AKAP17A: variants seen among roughly 807,000 people sequenced by gnomAD.
AKAP17A encodes A-kinase anchor protein 17A.
A neutral mutation model predicts 52.2 loss-of-function variants in AKAP17A; 15 were observed. That is an observed-to-expected ratio of 0.29 (90% CI 0.19 to 0.44). AKAP17A has a LOEUF of 0.44. Ranked by LOEUF, AKAP17A falls within the 20% of genes least tolerant of loss-of-function variation. The pLI, the probability that AKAP17A is intolerant of heterozygous loss-of-function variation, is 1.00. For synonymous variants in AKAP17A, 514 were observed against 424.7 expected (o/e 1.21, Z -2.58); for missense variants, 1,060 against 1,007.0 (o/e 1.05, Z -0.71).
chrX:1,600,874 G>T lies in AKAP17A; in HGVS notation c.1368G>T (p.Leu456=). The stretch of plus-strand genomic sequence containing the variant: ...ACGACAGCCACACACACGACGAGCT[G>T]GGCGTGGCACACGCCGACCTGCTGC... The part of the protein sequence containing the change: ...KPDDSHTHDE[L]GVAHADLLQP... Residue 456 remains leucine (L), a synonymous_variant, in exon 5 of 5, where the codon CTG becomes CTT. Transcript: ENST00000313871. The T allele has an allele frequency of 6.3e-7, 1 of 1,587,036 alleles. No individual in the cohort carries two copies.
At chrX:1,596,272 G>T (rs1932974627) in intron 3 of AKAP17A, among the ~76,000 whole-genome samples, 1 of 150,570 alleles carries the variant, frequency 6.6e-6, no homozygotes, top group South Asian at 2.1e-4. Flanking sequence ...ACAAAAACCC[G>T]GTTTCACATA....
At chrX:1,596,478 T>A (rs778212345) in intron 3 of AKAP17A, among the ~76,000 whole-genome samples, 8,192 of 32,440 alleles carry the variant, frequency 0.25, 865 homozygotes, top group African/African-American at 0.36. Flanking sequence ...GTGAGGTGGA[T>A]TCCTCCTCCT....
rs752474646 is a variant in AKAP17A at position 1,599,337 on chromosome X, CAGG to C, written c.1060_1062del (p.Glu354del). Reference sequence around the variant, plus strand: ...GCAGGCGGAGGAGCAGAAGCAGCTGCAGGAGAAGATCAAGCTGGAGGAGCGCAA... The same window carrying C: ...GCAGGCGGAGGAGCAGAAGCAGCTGCAGAAGATCAAGCTGGAGGAGCGCAA... On this transcript the variant is annotated inframe_deletion, in exon 4 of 5. Transcript: ENST00000313871. The C allele has an allele frequency of 1.2e-6, 2 of 1,602,806 alleles. No individual in the cohort carries two copies. The highest frequency in any genetic ancestry group is 1.7e-6 in the Non-Finnish European group (2 of 1,175,506).
rs1569356432 is a variant in AKAP17A, at chrX:1,601,465, C to G, written c.1959C>G (p.Asp653Glu). The G allele has an allele frequency of 1.3e-6, 2 of 1,573,740 alleles. No homozygotes were observed. Among genetic ancestry groups the G allele is most frequent in the South Asian group, 2.2e-5 (2 of 89,116 alleles). ...HTRSRRSHSKDRHRRERSRER... is the reference protein window; with the variant it reads ...HTRSRRSHSKERHRRERSRER... ...GGTCCCGGAGGTCCCACAGCAAAGA[C>G]AGGCACCGGAGGGAGCGGAGCCGGG... is the stretch of plus-strand genomic sequence containing the variant. The change falls in exon 5 of 5, where the codon GAC becomes GAG. Residue 653 changes from aspartate (D) to glutamate (E), a missense_variant. By Grantham distance (45) the Asp-to-Glu change is conservative (BLOSUM62 2). Coordinates refer to ENST00000313871, the MANE Select transcript of AKAP17A (RefSeq NM_005088.3).
intron 1 of AKAP17A, among the ~76,000 whole-genome samples, chrX:1,592,051 C>T (rs1193341543): frequency 6.6e-6 from 1 of 150,932 alleles, no homozygotes; most frequent in Non-Finnish European, 1.5e-5. Context: ...GGAGCTGAGG[C>T]CTGGAGCGGT....
chrX:1,591,876 T>G (rs1932843045), intron 1 of AKAP17A, 107 bp downstream of exon 1: 1 of 95,638 alleles, frequency 1.0e-5, no homozygotes, highest in African/African-American at 4.0e-5. Flanking sequence ...CCTAGGGGCC[T>G]CGGAGGTGAC....
In AKAP17A at chrX:1,591,759, G is replaced by T. The variant is rs1417403105; in HGVS notation, c.-30G>T. 2.0e-5 allele frequency: 3 copies of T among 151,680 alleles called. No individual in the cohort carries two copies. Among genetic ancestry groups the T allele is most frequent in the African/African-American group, 7.3e-5 (3 of 41,270 alleles). The allele number at this position is 151,680 out of a possible 1,614,324, so 9.4% of individuals were successfully genotyped here. On this transcript the variant is annotated 5_prime_UTR_variant, in exon 1 of 5. Coordinates refer to ENST00000313871, the MANE Select transcript of AKAP17A (RefSeq NM_005088.3). Reference sequence around the variant, plus strand: ...GGCGGCGGCCTGGGACGCAGGCGGAGCCCCGCGCAGGTGAGTGCCGCCCCC... The same window carrying T: ...GGCGGCGGCCTGGGACGCAGGCGGATCCCCGCGCAGGTGAGTGCCGCCCCC...
rs1333687968 is a variant in AKAP17A, at chrX:1,595,233, GTCTGCACCGGACATGAGTGGT to G, written c.763-150_763-130del. ...TTGGCTTCTGGGCTCCACTGTCTGGGTCTGCACCGGACATGAGTGGTGAGCGGTGAGCGGTGAGCGGGCGCT... is the reference window on the plus strand; with the variant it reads ...TTGGCTTCTGGGCTCCACTGTCTGGGGAGCGGTGAGCGGTGAGCGGGCGCT... On this transcript the variant is annotated intron_variant, in intron 2 of 4. Coordinates refer to ENST00000313871, the MANE Select transcript of AKAP17A (RefSeq NM_005088.3). The G allele has an allele frequency of 2.9e-4, 52 of 181,778 alleles. 24 individuals are homozygous for G. Among genetic ancestry groups the G allele is most frequent in the East Asian group, 2.1e-3 (10 of 4,748 alleles). The allele number at this position is 181,778 out of a possible 1,614,324, so 11.3% of individuals were successfully genotyped here.
chrX:1,595,595 C>T lies in AKAP17A; in HGVS notation c.911+63C>T, dbSNP rs1258980189. On this transcript the variant is annotated intron_variant, in intron 3 of 4. Transcript: ENST00000313871. The stretch of plus-strand genomic sequence containing the variant: ...CGGCACCTGGGAGTGTGCGCAGACC[C>T]GTGTGCGTGTGTCTGCATGTATTCC... The T allele has an allele frequency of 2.5e-5, 40 of 1,601,798 alleles. 1 individual carries two copies. Among genetic ancestry groups the T allele is most frequent in the Admixed American group, 3.4e-5 (2 of 59,352 alleles).
Position 1,601,059 on chromosome X carries a change from A to C in AKAP17A, c.1553A>C (p.Glu518Ala). 2 of 1,613,374 alleles carry C rather than the reference A, an allele frequency of 1.2e-6. No individual in the cohort carries two copies. The highest frequency in any genetic ancestry group is 1.7e-6 in the Non-Finnish European group (2 of 1,179,720). Reference protein sequence around the residue: ...APKSVNGSVAEEAPCKEVQSS... With the variant: ...APKSVNGSVAAEAPCKEVQSS... ...AAAAGCGTGAACGGGAGCGTGGCCG[A>C]GGAGGCCCCATGCAAGGAGGTTCAG... is the stretch of plus-strand genomic sequence containing the variant. Residue 518 changes from glutamate to alanine, a missense_variant, in exon 5 of 5, where the codon GAG becomes GCG. Coordinates refer to ENST00000313871, the MANE Select transcript of AKAP17A (RefSeq NM_005088.3).
chrX:1,592,750 C>T (rs760159411), intron 1 of AKAP17A, among the ~76,000 whole-genome samples: 3 of 152,096 alleles, frequency 2.0e-5, no homozygotes, highest in African/African-American at 7.2e-5. Flanking sequence ...AAGTGGCTGC[C>T]CGTCAGCTCA....
chrX:1,600,242 G>T, intron 4 of AKAP17A: 1 of 1,291,692 alleles, frequency 7.7e-7, no homozygotes, highest in Non-Finnish European at 1.0e-6. Context: ...GGCTAGGCCA[G>T]GCTCGCCCCG....
At position 1,601,515 on chromosome X, in the gene AKAP17A, A is replaced by C. The variant is rs111867018; in HGVS notation, c.2009A>C (p.Lys670Thr). Reference protein sequence around the residue: ...SRERRGSASRKHSRHRRRSER... With the variant: ...SRERRGSASRTHSRHRRRSER... ...GAGCGGAGGGGCAGCGCCAGCAGGAAGCACAGCCGCCACCGCCGCCGAAGC... is the reference window on the plus strand; with the variant it reads ...GAGCGGAGGGGCAGCGCCAGCAGGACGCACAGCCGCCACCGCCGCCGAAGC... The change falls in exon 5 of 5, where the codon AAG becomes ACG. Residue 670 changes from lysine to threonine, a missense_variant. Physicochemically the swap from Lys to Thr is moderately conservative, Grantham distance 78. This residue lies in a region of AKAP17A where 793 missense variants were observed against 629.9 expected (regional missense o/e 1.26). Coordinates refer to ENST00000313871, the MANE Select transcript of AKAP17A (RefSeq NM_005088.3). 9 of 1,509,764 alleles carry C rather than the reference A, an allele frequency of 6.0e-6. No individual in the cohort carries two copies. Among genetic ancestry groups the C allele is most frequent in the Non-Finnish European group, 7.9e-6 (9 of 1,139,850 alleles). 93.5% of individuals were successfully genotyped at this position (1,509,764 alleles called of 1,614,324 possible). A position where few individuals can be genotyped will look rare whatever the true frequency, so the allele number is the denominator to read the frequency against.
chrX:1,600,345 G>A (rs1309109779), intron 4 of AKAP17A: 19 of 666,812 alleles, frequency 2.8e-5, no homozygotes, highest in Non-Finnish European at 4.0e-5. Flanking sequence ...TGTGTGCAAC[G>A]TGGTGGGGCT....
At chrX:1,591,922 G>T (rs1932844007) in intron 1 of AKAP17A, among the ~76,000 whole-genome samples, 153 bp downstream of exon 1, 1 of 149,628 alleles carries the variant, frequency 6.7e-6, no homozygotes, top group Non-Finnish European at 1.5e-5. Context: ...TGCCACCGGG[G>T]GGCTGGGAGC....
chrX:1,595,881 T>C (rs1459404540), intron 3 of AKAP17A, among the ~76,000 whole-genome samples: 1 of 152,012 alleles, frequency 6.6e-6, no homozygotes, highest in Non-Finnish European at 1.5e-5. Context: ...CCTGTGTGCA[T>C]GCGTGTGTGC....
At chrX:1,600,595 C>T in intron 4 of AKAP17A, 64 bp from the exon 5 acceptor site, 20 of 1,433,116 alleles carry the variant, frequency 1.4e-5, no homozygotes, top group Non-Finnish European at 1.9e-5. Flanking sequence ...CTTCCCAGCT[C>T]CTGTCCCACG....
At chrX:1,600,216 T>A in intron 4 of AKAP17A, 4 of 1,314,450 alleles carry the variant, frequency 3.0e-6, no homozygotes, top group Non-Finnish European at 4.0e-6. Context: ...TGGTGAATAT[T>A]GAAGACACTA....
Position 1,601,370 on chromosome X carries a change from C to T in AKAP17A, c.1864C>T (p.Arg622Trp), listed in dbSNP as rs374800673. 2.3e-5 allele frequency: 37 copies of T among 1,576,290 alleles called. 1 individual carries two copies. The highest frequency in any genetic ancestry group is 2.3e-4 in the South Asian group (20 of 88,784). The change falls in exon 5 of 5, where the codon CGG becomes TGG. Residue 622 changes from arginine (R) to tryptophan (W), a missense_variant. Coordinates refer to ENST00000313871, the MANE Select transcript of AKAP17A (RefSeq NM_005088.3). ...REDGRPRKER[R>W]PHKKHAYKDD... ...GGACGGGAGGCCACGCAAGGAGCGG[C>T]GGCCCCACAAGAAGCACGCCTACAA...
Sources: gnomAD v4.1 joint callset for allele counts (sites outside exome capture counted in the v4.1 genomes callset) on GRCh38, gnomAD v4.1.1 for gene constraint, gnomAD v4.1.1 regional missense constraint, MANE v1.5 for transcripts, NCBI Gene and HGNC (gene_info 2026-07-23, HGNC 2026-07-21) for gene names.